Variants in ASB17 observed in about 807,000 individuals in gnomAD.
ASB17 encodes ankyrin repeat and SOCS box protein 17.
In ASB17, 26 loss-of-function variants were observed where a neutral mutation model predicts 25.7. The ratio of observed to expected loss-of-function variants is 1.01; its 90% CI spans 0.74 to 1.40. The LOEUF (loss-of-function observed/expected upper bound fraction) is 1.40. ASB17 is among the 40% of genes most tolerant of loss of function. The pLI, the probability that ASB17 is intolerant of heterozygous loss-of-function variation, is 0.00. For synonymous variants in ASB17, 128 were observed against 121.4 expected (o/e 1.05, Z -0.36); for missense variants, 326 against 338.5 (o/e 0.96, Z 0.29).
At chr1:75,931,344 T>C (rs1571021197) in intron 1 of ASB17, among the ~76,000 whole-genome samples, 1 of 152,186 alleles carries the variant, frequency 6.6e-6, no homozygotes, top group Non-Finnish European at 1.5e-5. Flanking sequence ...ATGCATTAGG[T>C]AGATTGACAT....
intron 1 of ASB17, among the ~76,000 whole-genome samples, chr1:75,930,351 TATAAATATAA>T (rs1653291588): frequency 7.0e-6 from 1 of 143,146 alleles, no homozygotes; most frequent in South Asian, 2.1e-4. Context: ...TATATGTAAA[TATAAATATAA>T]ATATATATAT....
At chr1:75,929,311 G>T (rs1653260812) in intron 1 of ASB17, among the ~76,000 whole-genome samples, 1 of 151,776 alleles carries the variant, frequency 6.6e-6, no homozygotes, top group Non-Finnish European at 1.5e-5. Flanking sequence ...TGCAAGCTCT[G>T]CCTTCCGGGT....
At chr1:75,930,028 T>C (rs932448200) in intron 1 of ASB17, among the ~76,000 whole-genome samples, 19 of 151,866 alleles carry the variant, frequency 1.3e-4, no homozygotes, top group African/African-American at 4.6e-4. Context: ...TGAGATGCCA[T>C]GTGGCAATGT....
rs190337008 is a variant in ASB17, at chr1:75,928,866, A to G, written c.401+3025T>C. Reference sequence around the variant, plus strand: ...TAGATAGTGAGCAAACCAATGAAAAAGGAACAACAGTAAATAAACAGGTCA... The same window carrying G: ...TAGATAGTGAGCAAACCAATGAAAAGGGAACAACAGTAAATAAACAGGTCA... On this transcript the variant is annotated intron_variant, in intron 1 of 2. Transcript: ENST00000284142. 2.0e-5 allele frequency among the ~76,000 whole-genome samples: 3 copies of G among 152,344 alleles called. No homozygotes were observed. The East Asian group carries it at 5.8e-4, about 29-fold the overall frequency.
chr1:75,932,160 T>C lies in ASB17; in HGVS notation c.132A>G (p.Glu44=). The change falls in exon 1 of 3, where the codon GAA becomes GAG. Residue 44 remains glutamate, a synonymous_variant. Transcript: ENST00000284142. Reference sequence around the variant, plus strand: ...TTGCCAGTGATCTGTAAATCCTTGGTTCGTAACAGTGATATCCCCACTGAC... The same window carrying C: ...TTGCCAGTGATCTGTAAATCCTTGGCTCGTAACAGTGATATCCCCACTGAC... The part of the protein sequence containing the change: ...FLGQWGYHCY[E]PRIYRSLAKI... 1.9e-6 allele frequency: 3 copies of C among 1,614,138 alleles called. No homozygotes were observed. The highest frequency in any genetic ancestry group is 2.5e-6 in the Non-Finnish European group (3 of 1,180,012).
chr1:75,928,558 T>C (rs561504610), intron 1 of ASB17, among the ~76,000 whole-genome samples: 1 of 152,278 alleles, frequency 6.6e-6, no homozygotes, highest in East Asian at 1.9e-4. Context: ...AAGAATGATG[T>C]TGTCGAAGTA....
At chr1:75,925,956 C>T (rs1443530201) in intron 1 of ASB17, among the ~76,000 whole-genome samples, 1 of 152,142 alleles carries the variant, frequency 6.6e-6, no homozygotes, top group Non-Finnish European at 1.5e-5. Context: ...GGCTATTTCT[C>T]CTCAACTGTC....
At chr1:75,926,746 T>C (rs911113967) in intron 1 of ASB17, among the ~76,000 whole-genome samples, 2 of 152,186 alleles carry the variant, frequency 1.3e-5, no homozygotes. Flanking sequence ...CAGATCCCAA[T>C]ATAGACGTGA....
chr1:75,919,552 A>G (rs1174092092), intron 2 of ASB17, among the ~76,000 whole-genome samples: 2 of 151,930 alleles, frequency 1.3e-5, no homozygotes, highest in East Asian at 1.9e-4. Flanking sequence ...CTACCCCACA[A>G]CAGTACCTAG....
At chr1:75,923,384 T>C (rs1653081115) in intron 1 of ASB17, among the ~76,000 whole-genome samples, 1 of 152,122 alleles carries the variant, frequency 6.6e-6, no homozygotes, top group Non-Finnish European at 1.5e-5. Context: ...AAATGAAAAC[T>C]TTATTTTTTT....
chr1:75,928,036 T>G (rs1272633488), intron 1 of ASB17, among the ~76,000 whole-genome samples: 1 of 152,186 alleles, frequency 6.6e-6, no homozygotes, highest in Non-Finnish European at 1.5e-5. Flanking sequence ...TCTATCTAGA[T>G]TACATGTCTT....
chr1:75,926,079 T>G (rs560405329), intron 1 of ASB17, among the ~76,000 whole-genome samples: 2 of 152,182 alleles, frequency 1.3e-5, no homozygotes, highest in African/African-American at 2.4e-5. Context: ...TAACTTCAAT[T>G]CCTGTCCATT....
intron 1 of ASB17, among the ~76,000 whole-genome samples, chr1:75,929,884 G>T (rs577248136): frequency 2.6e-5 from 4 of 150,992 alleles, no homozygotes; most frequent in Non-Finnish European, 5.9e-5. Flanking sequence ...ATAAATCCTA[G>T]ATTTCTGCCT....
intron 1 of ASB17, among the ~76,000 whole-genome samples, chr1:75,922,656 C>A (rs139872574): frequency 0.019 from 2,888 of 152,024 alleles, 44 homozygotes; most frequent in Non-Finnish European, 0.029. Flanking sequence ...GCCACCACAC[C>A]TGGCTAATTT....
intron 2 of ASB17, among the ~76,000 whole-genome samples, chr1:75,921,176 A>C (rs187966352): frequency 6.6e-6 from 1 of 150,840 alleles, no homozygotes; most frequent in Non-Finnish European, 1.5e-5. Context: ...TTAATACTGG[A>C]CCAAGGACAA....
intron 1 of ASB17, among the ~76,000 whole-genome samples, chr1:75,924,805 C>T (rs1653126276): frequency 6.6e-6 from 1 of 151,824 alleles, no homozygotes; most frequent in African/African-American, 2.4e-5. Flanking sequence ...TTCTTCTCCC[C>T]TGCCTTTTTT....
At chr1:75,921,532 G>T (rs956889071) in intron 2 of ASB17, among the ~76,000 whole-genome samples, 3 of 152,236 alleles carry the variant, frequency 2.0e-5, no homozygotes, top group Admixed American at 2.0e-4. Context: ...GCTGTTAATT[G>T]TTTTCTCTAA....
chr1:75,927,976 T>C (rs968481953), intron 1 of ASB17, among the ~76,000 whole-genome samples: 1 of 152,236 alleles, frequency 6.6e-6, no homozygotes. Flanking sequence ...CTTGTAGTCA[T>C]TGGATACAAC....
chr1:75,927,375 C>T (rs965634260), intron 1 of ASB17, among the ~76,000 whole-genome samples: 1 of 152,132 alleles, frequency 6.6e-6, no homozygotes, highest in Non-Finnish European at 1.5e-5. Context: ...TGAAGATTAA[C>T]TCTTTCTTCT....
Sources: allele counts gnomAD v4.1 joint callset (sites outside exome capture counted in the v4.1 genomes callset), GRCh38; gene constraint gnomAD v4.1.1; transcripts MANE v1.5; gene names NCBI Gene and HGNC (gene_info 2026-07-23, HGNC 2026-07-21).